EP400: variants seen among roughly 807,000 people sequenced by gnomAD.
EP400 encodes the protein E1A-binding protein p400.
A neutral mutation model predicts 354.1 loss-of-function variants in EP400; 105 were observed. The ratio of observed to expected loss-of-function variants is 0.30; its 90% CI spans 0.25 to 0.35. The LOEUF (loss-of-function observed/expected upper bound fraction) is 0.35, where lower values mean the gene tolerates loss of function less well. Among genes scored for constraint, EP400 ranks in the 10% least tolerant of loss-of-function variants. The pLI is 1.00. For synonymous variants in EP400, 1,646 were observed against 1,716.9 expected (o/e 0.96, Z 1.02); for missense variants, 3,280 against 4,121.0 (o/e 0.80, Z 5.59).
At position 131,982,362 on chromosome 12, in the gene EP400, GCA is replaced by G; in HGVS notation, c.1815_1816del (p.Pro606AlafsTer84). Reference protein sequence around the residue: ...KTQQPNVPIPAPPSSQLPIPP... With the variant: ...KTQQPNVPIPXPPSSQLPIPP... ...TCAGCAGCCCAATGTTCCCATCCCT[GCA>G]CCGCCCAGCAGCCAACTCCCCATCC... On this transcript the variant is annotated frameshift_variant, in exon 5 of 53. Coordinates refer to ENST00000389561, the MANE Select transcript of EP400 (RefSeq NM_015409.5). LOFTEE classifies it high-confidence loss of function. 6.2e-7 allele frequency: 1 copy of G among 1,614,142 alleles called. No individual in the cohort carries two copies.
At chr12:131,954,378 A>G (rs1228858880) in intron 1 of EP400, among the ~76,000 whole-genome samples, 1 of 151,780 alleles carries the variant, frequency 6.6e-6, no homozygotes, top group Non-Finnish European at 1.5e-5. Flanking sequence ...TTTGAGCCCC[A>G]GTAGTTCGAG....
At chr12:132,053,748 C>CT in intron 43 of EP400, 151 bp downstream of exon 43, 1 of 918,008 alleles carries the variant, frequency 1.1e-6, no homozygotes, top group South Asian at 2.3e-5. Context: ...TGGGAAAAGG[C>CT]TTAGTCTCAT....
At chr12:132,010,694 C>T (rs1011735932) in intron 15 of EP400, among the ~76,000 whole-genome samples, 2 of 152,294 alleles carry the variant, frequency 1.3e-5, no homozygotes, top group Non-Finnish European at 2.9e-5. Context: ...CTAATCCCAG[C>T]ACGTTGGGAG....
rs753667262 is a variant in EP400 at position 132,062,156 on chromosome 12, C to T, written c.7931C>T (p.Pro2644Leu). ...APAQVVHTQPPPRAVGSPATA... is the reference protein window; with the variant it reads ...APAQVVHTQPLPRAVGSPATA... Reference sequence around the variant, plus strand: ...GCCCAGGTGGTGCACACCCAGCCCCCGCCACGGGCAGTCGGCTCCCCAGCC... The same window carrying T: ...GCCCAGGTGGTGCACACCCAGCCCCTGCCACGGGCAGTCGGCTCCCCAGCC... The change falls in exon 46 of 53, where the codon CCG becomes CTG. Residue 2644 changes from proline (P) to leucine (L), a missense_variant. By Grantham distance (98) the Pro-to-Leu change is moderately conservative. Coordinates refer to ENST00000389561, the MANE Select transcript of EP400 (RefSeq NM_015409.5). The T allele has an allele frequency of 1.2e-5, 19 of 1,613,838 alleles. No individual in the cohort carries two copies. Among genetic ancestry groups the T allele is most frequent in the Admixed American group, 3.3e-5 (2 of 59,990 alleles).
In EP400 at chr12:132,054,974, G is replaced by T; in HGVS notation, c.7729G>T (p.Ala2577Ser). 6.2e-7 allele frequency: 1 copy of T among 1,613,748 alleles called. No homozygotes were observed. The highest frequency in any genetic ancestry group is 8.5e-7 in the Non-Finnish European group (1 of 1,179,832). Residue 2577 changes from alanine (A) to serine (S), a missense_variant and splice_region_variant, in exon 44 of 53, where the codon GCA becomes TCA. This residue lies in a region of EP400 where 255 missense variants were observed against 295.9 expected (regional missense o/e 0.86). Transcript: ENST00000389561. The surrounding 1 kb of genome is among the most constrained non-coding windows in gnomAD (Gnocchi z 4.0). ...ITTGGSAAVL[A>S]GTIKTSVTGT... ...AAATGGATTTTTTTTTTTTAAATAG[G>T]CAGGAACCATTAAAACATCAGTTAC... is the stretch of plus-strand genomic sequence containing the variant.
At chr12:132,063,316 C>A (rs1895768870) in intron 47 of EP400, among the ~76,000 whole-genome samples, 1 of 152,152 alleles carries the variant, frequency 6.6e-6, no homozygotes, top group South Asian at 2.1e-4. Context: ...AGTTCGAGAC[C>A]AGCCTGGTCA....
intron 31 of EP400, 41 bp downstream of exon 31, chr12:132,037,834 A>G (rs777534910): frequency 3.1e-6 from 5 of 1,611,534 alleles, no homozygotes; most frequent in East Asian, 2.2e-5. Context: ...GAGACCCGCC[A>G]TGCGGCGCGT....
chr12:132,067,024 T>G lies in EP400; in HGVS notation c.8749+55T>G. The stretch of plus-strand genomic sequence containing the variant: ...GGGCTTGAGCCTGGTTTCACAGGCC[T>G]CTCTGGTGGCAGTGGTCGCCAGCGA... On this transcript the variant is annotated intron_variant, in intron 49 of 52. Coordinates refer to ENST00000389561, the MANE Select transcript of EP400 (RefSeq NM_015409.5). The surrounding 1 kb of genome is among the most constrained non-coding windows in gnomAD (Gnocchi z 5.3). 6.7e-7 allele frequency: 1 copy of G among 1,488,550 alleles called. No individual in the cohort carries two copies. The highest frequency in any genetic ancestry group is 8.9e-7 in the Non-Finnish European group (1 of 1,121,888). 92.2% of individuals were successfully genotyped at this position (1,488,550 alleles called of 1,614,324 possible). A position where few individuals can be genotyped will look rare whatever the true frequency, so the allele number is the denominator to read the frequency against.
Position 132,006,116 on chromosome 12 carries a change from A to G in EP400, c.2940A>G (p.Ala980=). 2 of 1,613,442 alleles carry G rather than the reference A, an allele frequency of 1.2e-6. No individual in the cohort carries two copies. Among genetic ancestry groups the G allele is most frequent in the Non-Finnish European group, 1.7e-6 (2 of 1,179,440 alleles). Reference sequence around the variant, plus strand: ...TCTGTTTTATTGTCGTTACAGATGCAGATGACTGTCCAGGCGACAGGGAGA... The same window carrying G: ...TCTGTTTTATTGTCGTTACAGATGCGGATGACTGTCCAGGCGACAGGGAGA... ...DGEDTSGEED[A]DDCPGDRESR... is the part of the protein sequence containing the mutation. The change falls in exon 14 of 53, where the codon GCA becomes GCG. Residue 980 remains alanine, a synonymous_variant. Coordinates refer to ENST00000389561, the MANE Select transcript of EP400 (RefSeq NM_015409.5).
At chr12:132,034,962 G>T (rs993859261) in intron 30 of EP400, among the ~76,000 whole-genome samples, 4 of 152,202 alleles carry the variant, frequency 2.6e-5, no homozygotes, top group Admixed American at 2.6e-4. Flanking sequence ...CAGATACGGT[G>T]AGCCCAGTGG....
At chr12:131,996,255 T>TAG (rs1198888807) in intron 12 of EP400, among the ~76,000 whole-genome samples, 2 of 151,404 alleles carry the variant, frequency 1.3e-5, no homozygotes, top group African/African-American at 4.9e-5. Flanking sequence ...AACTGTTGTT[T>TAG]AGAGTGGGGG....
At chr12:132,043,865 G>A in intron 34 of EP400, 137 bp downstream of exon 34, 1 of 876,732 alleles carries the variant, frequency 1.1e-6, no homozygotes. Flanking sequence ...AACTTAAAAT[G>A]AAGAGAGTCT....
Position 132,020,228 on chromosome 12 carries a change from A to G in EP400, c.4447+10A>G, listed in dbSNP as rs1894080140. The G allele has an allele frequency of 1.9e-6, 3 of 1,591,722 alleles. No individual in the cohort carries two copies. The highest frequency in any genetic ancestry group is 2.3e-5 in the South Asian group (2 of 87,992). On this transcript the variant is annotated intron_variant, in intron 22 of 52. Coordinates refer to ENST00000389561, the MANE Select transcript of EP400 (RefSeq NM_015409.5). Reference sequence around the variant, plus strand: ...AATCCGGAGGCAAAAGGTAGACTTCACGTAGTTGTCTGCTCTCCGCCTTAT... The same window carrying G: ...AATCCGGAGGCAAAAGGTAGACTTCGCGTAGTTGTCTGCTCTCCGCCTTAT...
intron 2 of EP400, among the ~76,000 whole-genome samples, chr12:131,963,141 A>G (rs1306776370): frequency 2.6e-5 from 4 of 152,198 alleles, no homozygotes; most frequent in African/African-American, 4.8e-5. Context: ...AGAAAGAAAA[A>G]CAAATTCGTT....
intron 27 of EP400, among the ~76,000 whole-genome samples, chr12:132,028,677 T>C (rs1367357046): frequency 6.6e-6 from 1 of 152,222 alleles, no homozygotes; most frequent in African/African-American, 2.4e-5. Flanking sequence ...GGAGTTGATC[T>C]CAGAACGTGC....
intron 12 of EP400, 120 bp from the exon 13 acceptor site, chr12:132,004,957 A>G: frequency 1.4e-6 from 1 of 740,328 alleles, no homozygotes; most frequent in South Asian, 1.5e-5. Flanking sequence ...AAAAAGGAAT[A>G]CATGTGAGAG....
chr12:132,076,264 C>G (rs1278563069), intron 51 of EP400: 97 of 500,218 alleles, frequency 1.9e-4, no homozygotes, highest in Non-Finnish European at 2.4e-4. Context: ...AAAAATGTGT[C>G]TGAAATATGA....
intron 45 of EP400, among the ~76,000 whole-genome samples, chr12:132,055,579 G>GT (rs766356584): frequency 1.5e-5 from 2 of 137,460 alleles, no homozygotes; most frequent in African/African-American, 2.8e-5. Flanking sequence ...TGTGTGAGGT[G>GT]TAGGGGTATG....
rs765676594 is a variant in EP400, at chr12:132,062,563, G to C, written c.8196G>C (p.Gln2732His). The C allele has an allele frequency of 1.2e-6, 2 of 1,603,778 alleles. No individual in the cohort carries two copies. The highest frequency in any genetic ancestry group is 3.3e-5 in the Admixed American group (2 of 59,758). ...QQQQQQQQQQ[Q>H]QQQQQQQQQQ... ...AGCAGCAACAACAGCAGCAGCAGCA[G>C]CAGCAGCAGCAGCAGCAGCAGCAGC... The change falls in exon 47 of 53, where the codon CAG (glutamine) becomes CAC (histidine). Residue 2732 changes from glutamine (Q) to histidine (H), a missense_variant. This residue lies in a region of EP400 where 11 missense variants were observed against 34.5 expected (regional missense o/e 0.32). Coordinates refer to ENST00000389561, the MANE Select transcript of EP400 (RefSeq NM_015409.5).
Sources: gnomAD v4.1 joint callset for allele counts (sites outside exome capture counted in the v4.1 genomes callset) on GRCh38, gnomAD v4.1.1 for gene constraint, gnomAD v4.1.1 regional missense constraint, Gnocchi (gnomAD v3.1) non-coding constraint, MANE v1.5 for transcripts, NCBI Gene and HGNC (gene_info 2026-07-23, HGNC 2026-07-21) for gene names.